TMEM38B: variants seen among roughly 807,000 people sequenced by gnomAD.
TMEM38B encodes the protein trimeric intracellular cation channel type B.
TMEM38B carries 24 observed loss-of-function variants against 28.7 expected under a neutral mutation model. That is an observed-to-expected ratio of 0.84 (90% confidence interval 0.61 to 1.18). The LOEUF (loss-of-function observed/expected upper bound fraction) is 1.18, where lower values mean the gene tolerates loss of function less well. Among genes scored for constraint, TMEM38B ranks in the 50% most tolerant of loss-of-function variants. The pLI is 0.00. For missense variants in TMEM38B, 380 were observed against 350.9 expected, an observed-to-expected ratio of 1.08 and a Z score of -0.66; for synonymous variants, 131 against 127.7, an observed-to-expected ratio of 1.03 and a Z score of -0.17.
chr9:105,759,227 C>T (rs1837946643), intron 5 of TMEM38B: 2 of 715,346 alleles, frequency 2.8e-6, no homozygotes, highest in Non-Finnish European at 5.1e-6. Context: ...TATTTGTGAA[C>T]ATTTTGGTTG....
At chr9:105,718,719 T>C (rs951843010) in intron 2 of TMEM38B, among the ~76,000 whole-genome samples, 7 of 152,210 alleles carry the variant, frequency 4.6e-5, no homozygotes. Context: ...GTTTTATTTG[T>C]TTTGAAAAGC....
intron 5 of TMEM38B, among the ~76,000 whole-genome samples, chr9:105,751,366 C>G (rs1254231013): frequency 3.9e-5 from 6 of 152,166 alleles, no homozygotes; most frequent in African/African-American, 1.4e-4. Context: ...TCTCATGGAC[C>G]TTTGCGACCC....
intron 5 of TMEM38B, among the ~76,000 whole-genome samples, chr9:105,771,270 T>G (rs865803201): frequency 6.6e-6 from 1 of 152,218 alleles, no homozygotes; most frequent in African/African-American, 2.4e-5. Context: ...TTATTCTATT[T>G]GTCACAAGTA....
chr9:105,700,511 G>A (rs1040710095), intron 1 of TMEM38B, among the ~76,000 whole-genome samples: 5 of 152,110 alleles, frequency 3.3e-5, no homozygotes, highest in Admixed American at 6.5e-5. Context: ...CTCCAGATCT[G>A]GTTCATTCCA....
Position 105,721,688 on chromosome 9 carries a change from T to C in TMEM38B, c.421T>C (p.Trp141Arg). 6.2e-7 allele frequency: 1 copy of C among 1,613,148 alleles called. No homozygotes were observed. The highest frequency in any genetic ancestry group is 1.3e-5 in the African/African-American group (1 of 75,006). ...THANSYYKNG[W>R]IVMIAIGWAR... ...TGCTAATAGCTATTACAAAAATGGCTGGATAGTCATGATAGCTATTGGATG... is the reference window on the plus strand; with the variant it reads ...TGCTAATAGCTATTACAAAAATGGCCGGATAGTCATGATAGCTATTGGATG... Residue 141 changes from tryptophan (W) to arginine (R), a missense_variant, in exon 3 of 6, where the codon TGG becomes CGG. By Grantham distance (101) the Trp-to-Arg change is moderately radical. Coordinates refer to ENST00000374692, the MANE Select transcript of TMEM38B (RefSeq NM_018112.3).
At chr9:105,769,689 T>G (rs1332287026) in intron 5 of TMEM38B, among the ~76,000 whole-genome samples, 2 of 151,560 alleles carry the variant, frequency 1.3e-5, no homozygotes, top group Non-Finnish European at 2.9e-5. Context: ...TTCAATATAT[T>G]TTTAGCTATT....
chr9:105,731,991 T>A, intron 4 of TMEM38B, among the ~76,000 whole-genome samples: 1 of 152,192 alleles, frequency 6.6e-6, no homozygotes. Flanking sequence ...TTTTTAATGA[T>A]CACCATTCTA....
chr9:105,701,803 A>T (rs917724049), intron 1 of TMEM38B, among the ~76,000 whole-genome samples: 9 of 152,242 alleles, frequency 5.9e-5, no homozygotes, highest in African/African-American at 1.9e-4. Context: ...GCCATAAATC[A>T]GAGAATCTAT....
intron 4 of TMEM38B, among the ~76,000 whole-genome samples, chr9:105,737,257 G>A (rs1040009901): frequency 3.3e-5 from 5 of 152,176 alleles, no homozygotes; most frequent in African/African-American, 9.7e-5. Flanking sequence ...CAGGGATGTA[G>A]CTGTGACTCT....
chr9:105,726,325 T>C (rs115528690), intron 4 of TMEM38B, among the ~76,000 whole-genome samples: 1,709 of 152,316 alleles, frequency 0.011, 46 homozygotes, highest in African/African-American at 0.038. Context: ...ACAAACATTA[T>C]ACAGTTGTAT....
intron 1 of TMEM38B, chr9:105,701,420 G>A (rs1588383254): frequency 6.6e-6 from 1 of 152,186 alleles, no homozygotes; most frequent in Admixed American, 6.5e-5. Flanking sequence ...TAGACCTGAA[G>A]CAAGACTGTA....
At chr9:105,743,577 A>C (rs1052626840) in intron 4 of TMEM38B, among the ~76,000 whole-genome samples, 3 of 152,192 alleles carry the variant, frequency 2.0e-5, no homozygotes, top group African/African-American at 7.2e-5. Context: ...TTAGCATCTT[A>C]TTTTAGACTT....
chr9:105,707,750 A>G (rs1456134732), intron 2 of TMEM38B, among the ~76,000 whole-genome samples: 1 of 152,212 alleles, frequency 6.6e-6, no homozygotes, highest in African/African-American at 2.4e-5. Flanking sequence ...TTTCTTGTCT[A>G]GTAAGTGGTT....
chr9:105,709,362 G>A (rs1588395973), intron 2 of TMEM38B, among the ~76,000 whole-genome samples: 1 of 152,070 alleles, frequency 6.6e-6, no homozygotes, highest in East Asian at 1.9e-4. Context: ...AGACAAACAC[G>A]GGATAATTTT....
chr9:105,708,888 A>G (rs913105353), intron 2 of TMEM38B, among the ~76,000 whole-genome samples: 3 of 151,720 alleles, frequency 2.0e-5, no homozygotes, highest in African/African-American at 7.3e-5. Context: ...CTATACTGGA[A>G]TAATAGCCCA....
intron 2 of TMEM38B, 27 bp from the exon 3 acceptor site, chr9:105,721,510 A>G (rs1588414928): frequency 6.7e-7 from 1 of 1,502,834 alleles, no homozygotes; most frequent in South Asian, 1.3e-5. Context: ...CCATTAATAT[A>G]TTAAAATGTT....
At chr9:105,699,363 T>A (rs1835388069) in intron 1 of TMEM38B, among the ~76,000 whole-genome samples, 2 of 152,204 alleles carry the variant, frequency 1.3e-5, no homozygotes, top group Non-Finnish European at 2.9e-5. Context: ...CAGTAAACTG[T>A]AATTCTCATA....
chr9:105,695,064 G>GAAGT (rs1449540920), intron 1 of TMEM38B, among the ~76,000 whole-genome samples: 2 of 152,162 alleles, frequency 1.3e-5, no homozygotes, highest in African/African-American at 2.4e-5. Flanking sequence ...ACCGCCCGCA[G>GAAGT]AAGTCCCAGG....
rs539731476 is a variant in TMEM38B at position 105,731,570 on chromosome 9, C to G, written c.542+8949C>G. ...GAACATGTAGTGTTTGGTTTTCTGT[C>G]CTTGTGATAGTTTGCTCAGGATGAT... On this transcript the variant is annotated intron_variant, in intron 4 of 5. Transcript: ENST00000374692. Among the ~76,000 whole-genome samples the G allele has an allele frequency of 9.4e-4, 143 of 152,122 alleles. 1 individual carries two copies. Among genetic ancestry groups the G allele is most frequent in the African/African-American group, 3.3e-3 (135 of 41,504 alleles).
Sources: gnomAD v4.1 joint callset for allele counts (sites outside exome capture counted in the v4.1 genomes callset) on GRCh38, gnomAD v4.1.1 for gene constraint, MANE v1.5 for transcripts, NCBI Gene and HGNC (gene_info 2026-07-23, HGNC 2026-07-21) for gene names.